ATG2A: variants seen among roughly 807,000 people sequenced by gnomAD.
The protein encoded by ATG2A is autophagy-related protein 2 homolog A.
Under a neutral mutation model 214.2 loss-of-function variants are expected in ATG2A, and 103 were observed. The observed-to-expected ratio is 0.48, with a 90% CI of 0.41 to 0.57. The LOEUF (loss-of-function observed/expected upper bound fraction) is 0.57. Among genes scored for constraint, ATG2A ranks in the 20% least tolerant of loss-of-function variants. The pLI, the probability that ATG2A is intolerant of heterozygous loss-of-function variation, is 0.00. For missense variants in ATG2A, 2,312 were observed against 2,613.2 expected (o/e 0.88, Z 2.51); for synonymous variants, 1,160 against 1,142.1 (o/e 1.02, Z -0.32).
chr11:64,915,691 GC>G (rs1944953725), intron 1 of ATG2A, among the ~76,000 whole-genome samples: 1 of 152,148 alleles, frequency 6.6e-6, no homozygotes, highest in African/African-American at 2.4e-5. Context: ...AAAAGGGGAA[GC>G]CTAGGGCTGG....
rs990644661 is a variant in ATG2A at position 64,898,906 on chromosome 11, C to G, written c.4465-64G>C. 1.4e-6 allele frequency: 2 copies of G among 1,472,048 alleles called. No individual in the cohort carries two copies. Among genetic ancestry groups the G allele is most frequent in the African/African-American group, 2.8e-5 (2 of 72,012 alleles). 91.2% of individuals were successfully genotyped at this position (1,472,048 alleles called of 1,614,324 possible). ...CCCAAGAGGGAGGGAAGGGCTGGCCCCAGACCCCTTCTCTATTCTTTTTTT... is the reference window on the plus strand; with the variant it reads ...CCCAAGAGGGAGGGAAGGGCTGGCCGCAGACCCCTTCTCTATTCTTTTTTT... On this transcript the variant is annotated intron_variant, in intron 31 of 40. Transcript: ENST00000377264. This position sits in a 1 kb window ranked among gnomAD's most constrained non-coding sequence, Gnocchi z 4.5.
rs1565054844 is a variant in ATG2A, at chr11:64,909,714, T to G, written c.2074A>C (p.Thr692Pro). The change falls in exon 14 of 41, where the codon ACC (threonine) becomes CCC (proline). Residue 692 changes from threonine (T) to proline (P), a missense_variant. Coordinates refer to ENST00000377264, the MANE Select transcript of ATG2A (RefSeq NM_015104.3). Reference sequence around the variant, plus strand: ...TCGGAGCAGGTGAGTTCCAGGTGGGTGGGGACTGGGGGACCAGGCCCACTG... The same window carrying G: ...TCGGAGCAGGTGAGTTCCAGGTGGGGGGGGACTGGGGGACCAGGCCCACTG... ...LSSGPGPPVPTHLELTCSDLH... is the reference protein window; with the variant it reads ...LSSGPGPPVPPHLELTCSDLH... 1 of 1,613,080 alleles carries G rather than the reference T, an allele frequency of 6.2e-7. No individual in the cohort carries two copies.
chr11:64,911,694 C>T (rs188266721), intron 9 of ATG2A, 148 bp downstream of exon 9: 8 of 1,164,686 alleles, frequency 6.9e-6, no homozygotes, highest in Non-Finnish European at 9.5e-6. Flanking sequence ...CCAGCTCCCA[C>T]CTTGTTTGGT....
rs750449868 is a variant in ATG2A, at chr11:64,902,533, C to T, written c.3760G>A (p.Glu1254Lys). The change falls in exon 27 of 41, where the codon GAG becomes AAG. Residue 1254 changes from glutamate (E) to lysine (K), a missense_variant. By Grantham distance (56) the Glu-to-Lys change is moderately conservative (BLOSUM62 1). Coordinates refer to ENST00000377264, the MANE Select transcript of ATG2A (RefSeq NM_015104.3). ...HPPPRPPSPT[E>K]IAGQKLSESP... ...ACCTGTACCTTCTGGCCGGCGATCT[C>T]CGTGGGGCTGGGGGGCCGGGGTGGG... The T allele has an allele frequency of 3.2e-6, 5 of 1,543,198 alleles. No homozygotes were observed. In the African/African-American group the frequency reaches 6.9e-5, roughly 21 times the overall value.
Position 64,913,395 on chromosome 11 carries a change from C to A in ATG2A, c.597G>T (p.Glu199Asp). The A allele has an allele frequency of 6.3e-7, 1 of 1,590,968 alleles. No individual in the cohort carries two copies. The highest frequency in any genetic ancestry group is 8.5e-7 in the Non-Finnish European group (1 of 1,169,650). ...GGTCCCGCACTGCCTCATCACAGTA[C>A]TCCAGTCTGGAGAGTGTAGGGTCAG... ...VAVEVRVQRL[E>D]YCDEAVRDPS... Residue 199 changes from glutamate to aspartate, a missense_variant, in exon 5 of 41, where the codon GAG becomes GAT. Coordinates refer to ENST00000377264, the MANE Select transcript of ATG2A (RefSeq NM_015104.3). The surrounding 1 kb of genome is among the most constrained non-coding windows in gnomAD (Gnocchi z 4.3).
chr11:64,897,762 A>C lies in ATG2A; in HGVS notation c.4995-19T>G. 6.2e-7 allele frequency: 1 copy of C among 1,614,196 alleles called. No individual in the cohort carries two copies. The highest frequency in any genetic ancestry group is 8.5e-7 in the Non-Finnish European group (1 of 1,180,024). ...GAACTCTCTGGGTAGGGGAGCAGGAAGAGGGGGTTCTTTGCTCACTGGCCT... is the reference window on the plus strand; with the variant it reads ...GAACTCTCTGGGTAGGGGAGCAGGACGAGGGGGTTCTTTGCTCACTGGCCT... On this transcript the variant is annotated intron_variant, in intron 35 of 40. Coordinates refer to ENST00000377264, the MANE Select transcript of ATG2A (RefSeq NM_015104.3).
At position 64,895,117 on chromosome 11, in the gene ATG2A, G is replaced by A. The variant is rs969817857; in HGVS notation, c.5673C>T (p.Arg1891=). ...GLTGAVGGVI[R]QLPPTVVKPL... ...GCTTCACCACAGTCGGGGGCAGCTGGCGGATCACGCCCCCCACGGCGCCCG... is the reference window on the plus strand; with the variant it reads ...GCTTCACCACAGTCGGGGGCAGCTGACGGATCACGCCCCCCACGGCGCCCG... The change falls in exon 41 of 41, where the codon CGC becomes CGT. Residue 1891 remains arginine (R), a synonymous_variant. Coordinates refer to ENST00000377264, the MANE Select transcript of ATG2A (RefSeq NM_015104.3). The surrounding 1 kb of genome is among the most constrained non-coding windows in gnomAD (Gnocchi z 5.0). 4 of 1,613,058 alleles carry A rather than the reference G, an allele frequency of 2.5e-6. No homozygotes were observed.
chr11:64,911,356 G>A (rs1018923719), intron 9 of ATG2A, 81 bp from the exon 10 acceptor site: 2 of 1,419,920 alleles, frequency 1.4e-6, no homozygotes, highest in African/African-American at 2.8e-5. Flanking sequence ...CACCAGGCTG[G>A]GGGTTGGGAG....
rs905838263 is a variant in ATG2A, at chr11:64,895,102, A to G, written c.5688T>C (p.Thr1896=). ...VGGVIRQLPP[T]VVKPLILATE... ...TGGCCAGGATGAGCGGCTTCACCAC[A>G]GTCGGGGGCAGCTGGCGGATCACGC... The change falls in exon 41 of 41, where the codon ACT becomes ACC. Residue 1896 remains threonine, a synonymous_variant. Coordinates refer to ENST00000377264, the MANE Select transcript of ATG2A (RefSeq NM_015104.3). The surrounding 1 kb of genome is among the most constrained non-coding windows in gnomAD (Gnocchi z 5.0). The G allele has an allele frequency of 6.2e-7, 1 of 1,613,030 alleles. No individual in the cohort carries two copies. The highest frequency in any genetic ancestry group is 1.1e-5 in the South Asian group (1 of 91,054).
rs373235409 is a variant in ATG2A at position 64,912,384 on chromosome 11, G to C, written c.865C>G (p.Leu289Val). The change falls in exon 7 of 41, where the codon CTG (leucine) becomes GTG (valine). Residue 289 changes from leucine to valine, a missense_variant. By Grantham distance (32) the Leu-to-Val change is conservative (BLOSUM62 1). Transcript: ENST00000377264. Reference sequence around the variant, plus strand: ...AGTTGCTGGAGCTGCCTCGGGGTCAGGAGCAGGTGCAGGGAGCCCAGCTGT... The same window carrying C: ...AGTTGCTGGAGCTGCCTCGGGGTCACGAGCAGGTGCAGGGAGCCCAGCTGT... The part of the protein sequence containing the change: ...AGQLGSLHLL[L>V]TPRQLQQLQE... The C allele has an allele frequency of 5.1e-6, 8 of 1,559,088 alleles. No homozygotes were observed. Among genetic ancestry groups the C allele is most frequent in the Non-Finnish European group, 6.9e-6 (8 of 1,151,948 alleles).
intron 16 of ATG2A, among the ~76,000 whole-genome samples, chr11:64,908,372 T>G (rs1944634461): frequency 6.6e-6 from 1 of 152,082 alleles, no homozygotes; most frequent in African/African-American, 2.4e-5. Context: ...GCCAACATGA[T>G]GAAACCCCGT....
In ATG2A at chr11:64,907,540, A is replaced by T. The variant is rs371319870; in HGVS notation, c.2632T>A (p.Ser878Thr). 8.9e-6 allele frequency: 14 copies of T among 1,581,190 alleles called. No individual in the cohort carries two copies. In the South Asian group the frequency reaches 1.2e-4, roughly 14 times the overall value. ...CCTCTCATACCCAGCTTGAAGGCTG[A>T]CTTGCACATCTTAAAGCTGTCGTGC... ...FWHDSFKMCK[S>T]AFKLANCFDL... is the part of the protein sequence containing the mutation. Residue 878 changes from serine to threonine, a missense_variant, in exon 18 of 41, where the codon TCA (serine) becomes ACA (threonine). Transcript: ENST00000377264.
At chr11:64,897,641 A>G (rs1021162800) in intron 36 of ATG2A, 30 bp downstream of exon 36, 8 of 1,614,034 alleles carry the variant, frequency 5.0e-6, no homozygotes, top group Non-Finnish European at 5.9e-6. Flanking sequence ...CTGACCCCAC[A>G]TGGCCACCCC....
At chr11:64,916,936 C>A (rs771711635) in intron 1 of ATG2A, 29 bp downstream of exon 1, 6 of 1,610,904 alleles carry the variant, frequency 3.7e-6, no homozygotes, top group Non-Finnish European at 5.1e-6. Context: ...ACCCTCCGCA[C>A]CTTCCTGGAC....
intron 31 of ATG2A, among the ~76,000 whole-genome samples, chr11:64,900,061 T>C: frequency 6.7e-6 from 1 of 148,178 alleles, no homozygotes; most frequent in Admixed American, 6.7e-5. Flanking sequence ...AAATGGGGTT[T>C]CGCCATGTTG....
chr11:64,906,136 G>T lies in ATG2A; in HGVS notation c.3241C>A (p.Pro1081Thr), dbSNP rs867790216. Reference sequence around the variant, plus strand: ...ACCTGGGAATGCCAGCTCTGCTCGGGCAGGGCCATGTAGTGGCGCAAGGTG... The same window carrying T: ...ACCTGGGAATGCCAGCTCTGCTCGGTCAGGGCCATGTAGTGGCGCAAGGTG... ...KATLRHYMALPEQSWHSQLLE... is the reference protein window; with the variant it reads ...KATLRHYMALTEQSWHSQLLE... Residue 1081 changes from proline (P) to threonine (T), a missense_variant, in exon 22 of 41, where the codon CCC becomes ACC. By Grantham distance (38) the Pro-to-Thr change is conservative. Coordinates refer to ENST00000377264, the MANE Select transcript of ATG2A (RefSeq NM_015104.3). The T allele has an allele frequency of 3.8e-6, 6 of 1,593,388 alleles. No homozygotes were observed. In the South Asian group the frequency reaches 5.6e-5, roughly 15 times the overall value.
At position 64,898,517 on chromosome 11, in the gene ATG2A, AAAC is replaced by A; in HGVS notation, c.4671+116_4671+118del. ...AGCTCTGCCCTTCTCCCAGGCTCAC[AAAC>A]AACCTGGGTGTTTGTGTGGGAATGC... On this transcript the variant is annotated intron_variant, in intron 32 of 40. Coordinates refer to ENST00000377264, the MANE Select transcript of ATG2A (RefSeq NM_015104.3). This position sits in a 1 kb window ranked among gnomAD's most constrained non-coding sequence, Gnocchi z 4.5. The A allele has an allele frequency of 7.2e-7, 1 of 1,391,404 alleles. No homozygotes were observed. Among genetic ancestry groups the A allele is most frequent in the Non-Finnish European group, 9.9e-7 (1 of 1,007,176 alleles). 86.2% of individuals were successfully genotyped at this position (1,391,404 alleles called of 1,614,324 possible). A position where few individuals can be genotyped will look rare whatever the true frequency, so the allele number is the denominator to read the frequency against.
At chr11:64,897,013 G>A in intron 37 of ATG2A, 144 bp from the exon 38 acceptor site, 1 of 1,181,150 alleles carries the variant, frequency 8.5e-7, no homozygotes, top group Non-Finnish European at 1.2e-6. Flanking sequence ...CATGTGCAGA[G>A]GGACTGTGTC....
At chr11:64,902,478 G>A (rs1297001047) in intron 27 of ATG2A, 38 bp downstream of exon 27, 8 of 1,532,776 alleles carry the variant, frequency 5.2e-6, no homozygotes, top group African/African-American at 4.1e-5. Context: ...GGGCCTGGCC[G>A]AGCTCTGGTA....
Sources: gnomAD v4.1 joint callset for allele counts (sites outside exome capture counted in the v4.1 genomes callset) on GRCh38, gnomAD v4.1.1 for gene constraint, Gnocchi (gnomAD v3.1) non-coding constraint, MANE v1.5 for transcripts, NCBI Gene and HGNC (gene_info 2026-07-23, HGNC 2026-07-21) for gene names.